Variants in MINDY2 observed in about 807,000 individuals in gnomAD.
MINDY2 encodes MINDY lysine 48 deubiquitinase 2, also known as ubiquitin carboxyl-terminal hydrolase MINDY-2.
In MINDY2, 52 loss-of-function variants were observed where a neutral mutation model predicts 68.2. That is an observed-to-expected ratio of 0.76 (90% CI 0.61 to 0.96). The LOEUF is 0.96. Among genes scored for constraint, MINDY2 ranks in the 40% least tolerant of loss-of-function variants. The pLI is 0.00. For synonymous variants in MINDY2, 372 were observed against 303.0 expected, an observed-to-expected ratio of 1.23 and a Z score of -2.36; for missense variants, 881 against 773.4, an observed-to-expected ratio of 1.14 and a Z score of -1.65.
At chr15:58,779,372 T>C (rs115081155) in intron 1 of MINDY2, among the ~76,000 whole-genome samples, 303 of 152,340 alleles carry the variant, frequency 2.0e-3, no homozygotes, top group African/African-American at 7.1e-3. Flanking sequence ...GCTGAGTTTT[T>C]GCTCTATTTC....
intron 6 of MINDY2, among the ~76,000 whole-genome samples, chr15:58,841,601 C>G (rs574707988): frequency 1.4e-4 from 22 of 151,950 alleles, no homozygotes; most frequent in Admixed American, 1.4e-3. Flanking sequence ...GACACAGTTT[C>G]ACCATGTTCG....
chr15:58,771,552 G>A lies in MINDY2; in HGVS notation c.157G>A (p.Gly53Arg), dbSNP rs928998355. 8.1e-6 allele frequency: 13 copies of A among 1,611,242 alleles called. No individual in the cohort carries two copies. In the African/African-American group the frequency reaches 1.7e-4, roughly 22 times the overall value. ...VWAAETSGGNGLGAAAARRSL... is the reference protein window; with the variant it reads ...VWAAETSGGNRLGAAAARRSL... Reference sequence around the variant, plus strand: ...GGCGGCGGAGACCAGCGGCGGGAATGGGCTGGGGGCGGCGGCCGCCAGGAG... The same window carrying A: ...GGCGGCGGAGACCAGCGGCGGGAATAGGCTGGGGGCGGCGGCCGCCAGGAG... Residue 53 changes from glycine (G) to arginine (R), a missense_variant, in exon 1 of 9, where the codon GGG becomes AGG. Gly to Arg is a moderately radical substitution (Grantham distance 125). Transcript: ENST00000559228.
At chr15:58,772,993 T>C (rs901665771) in intron 1 of MINDY2, among the ~76,000 whole-genome samples, 5 of 152,210 alleles carry the variant, frequency 3.3e-5, no homozygotes, top group African/African-American at 1.2e-4. Context: ...AAAATAGGTA[T>C]GTTGAGGACT....
At chr15:58,833,655 C>T (rs948852910) in intron 6 of MINDY2, among the ~76,000 whole-genome samples, 1 of 152,140 alleles carries the variant, frequency 6.6e-6, no homozygotes, top group South Asian at 2.1e-4. Context: ...TGTGCATATA[C>T]ATAAACATCG....
intron 1 of MINDY2, among the ~76,000 whole-genome samples, chr15:58,783,222 CT>C (rs1262384350): frequency 1.3e-5 from 2 of 152,072 alleles, no homozygotes; most frequent in African/African-American, 4.8e-5. Flanking sequence ...TGCCCGGCCC[CT>C]GACTTCTTTT....
chr15:58,826,735 C>T (rs1884275524), intron 5 of MINDY2, among the ~76,000 whole-genome samples: 1 of 152,104 alleles, frequency 6.6e-6, no homozygotes, highest in Non-Finnish European at 1.5e-5. Flanking sequence ...CCCGTTTTCC[C>T]AGTAATGCCC....
At chr15:58,803,468 TAA>T (rs542134628) in intron 3 of MINDY2, among the ~76,000 whole-genome samples, 34 of 122,798 alleles carry the variant, frequency 2.8e-4, no homozygotes, top group Admixed American at 4.2e-4. Context: ...CTCTGTCTCA[TAA>T]AAAAAAAAAA....
intron 1 of MINDY2, among the ~76,000 whole-genome samples, chr15:58,775,305 T>C (rs1459441568): frequency 6.6e-6 from 1 of 152,166 alleles, no homozygotes; most frequent in Non-Finnish European, 1.5e-5. Context: ...TTTTTAAGAC[T>C]GTAAAGGGCT....
At position 58,847,407 on chromosome 15, in the gene MINDY2, T is replaced by G. The variant is rs1440340498; in HGVS notation, c.1479T>G (p.Phe493Leu). 3 of 1,607,734 alleles carry G rather than the reference T, an allele frequency of 1.9e-6. No individual in the cohort carries two copies. Among genetic ancestry groups the G allele is most frequent in the Non-Finnish European group, 2.6e-6 (3 of 1,175,390 alleles). The change falls in exon 7 of 9, where the codon TTT (phenylalanine) becomes TTG (leucine). Residue 493 changes from phenylalanine to leucine, a missense_variant. Coordinates refer to ENST00000559228, the MANE Select transcript of MINDY2 (RefSeq NM_001040450.3). ...ATGGAAATTTCTGTGACTCAGAATTTCATCTTCGACCTCCTTCAGATCCTG... is the reference window on the plus strand; with the variant it reads ...ATGGAAATTTCTGTGACTCAGAATTGCATCTTCGACCTCCTTCAGATCCTG... ...DGDGNFCDSE[F>L]HLRPPSDPET...
chr15:58,838,046 CTT>C (rs2141034635), intron 6 of MINDY2, among the ~76,000 whole-genome samples: 1 of 150,376 alleles, frequency 6.6e-6, no homozygotes, highest in South Asian at 2.1e-4. Flanking sequence ...CCTGTGAACT[CTT>C]TCTCTTTGGA....
intron 4 of MINDY2, among the ~76,000 whole-genome samples, chr15:58,814,171 T>C (rs1281422129): frequency 6.6e-6 from 1 of 152,062 alleles, no homozygotes; most frequent in Non-Finnish European, 1.5e-5. Context: ...AACTCCTGAC[T>C]TCAGGTGATC....
Position 58,788,680 on chromosome 15 carries a change from A to C in MINDY2, c.898+717A>C, listed in dbSNP as rs182886025. On this transcript the variant is annotated intron_variant, in intron 2 of 8. Coordinates refer to ENST00000559228, the MANE Select transcript of MINDY2 (RefSeq NM_001040450.3). ...TATTTATACTATCACCAAATAGGAA[A>C]TCTTAATCCATATTCTACAGTTTTT... Among the ~76,000 whole-genome samples, 57 of 152,312 alleles carry C rather than the reference A, an allele frequency of 3.7e-4. 1 individual carries two copies. In the East Asian group the frequency reaches 0.01, roughly 27 times the overall value.
chr15:58,828,264 G>A (rs2031523651), intron 5 of MINDY2, among the ~76,000 whole-genome samples: 1 of 151,892 alleles, frequency 6.6e-6, no homozygotes, highest in African/African-American at 2.4e-5. Context: ...ATACATTAAT[G>A]TATTTGATCT....
At chr15:58,825,568 T>A (rs2141007513) in intron 5 of MINDY2, among the ~76,000 whole-genome samples, 1 of 152,088 alleles carries the variant, frequency 6.6e-6, no homozygotes, top group East Asian at 1.9e-4. Context: ...GAATGGTTCT[T>A]TTTTGTCTGT....
At chr15:58,823,201 G>A (rs1043828377) in intron 5 of MINDY2, among the ~76,000 whole-genome samples, 9 of 148,514 alleles carry the variant, frequency 6.1e-5, no homozygotes, top group Non-Finnish European at 1.0e-4. Context: ...GCAATGGCGC[G>A]ATCTCAGCTC....
intron 1 of MINDY2, among the ~76,000 whole-genome samples, chr15:58,779,686 T>G (rs1387217194): frequency 6.6e-6 from 1 of 152,180 alleles, no homozygotes; most frequent in African/African-American, 2.4e-5. Flanking sequence ...ACAAAAGACT[T>G]AAGTAACATT....
intron 6 of MINDY2, among the ~76,000 whole-genome samples, chr15:58,844,243 G>A (rs893080751): frequency 6.6e-6 from 1 of 152,104 alleles, no homozygotes; most frequent in African/African-American, 2.4e-5. Context: ...TAAAGGAACT[G>A]TGGACTAATA....
At chr15:58,808,478 A>G (rs2029974216) in intron 3 of MINDY2, among the ~76,000 whole-genome samples, 1 of 151,998 alleles carries the variant, frequency 6.6e-6, no homozygotes, top group African/African-American at 2.4e-5. Context: ...GCCTTTTCAT[A>G]TTAGCTTGTT....
intron 3 of MINDY2, among the ~76,000 whole-genome samples, chr15:58,802,598 CTTTTTTTCTCA>C (rs1235421197): frequency 1.3e-5 from 2 of 151,860 alleles, no homozygotes; most frequent in African/African-American, 2.4e-5. Flanking sequence ...CAGATTTTTC[CTTTTTTTCTCA>C]TTTTTTTCTC....
Sources: allele counts gnomAD v4.1 joint callset (sites outside exome capture counted in the v4.1 genomes callset), GRCh38; gene constraint gnomAD v4.1.1; transcripts MANE v1.5; gene names NCBI Gene and HGNC (gene_info 2026-07-23, HGNC 2026-07-21).